Variants in CAPZB observed in about 807,000 individuals in gnomAD.
CAPZB encodes the protein capping actin protein of muscle Z-line subunit beta.
In CAPZB, 2 loss-of-function variants were observed where a neutral mutation model predicts 38.1. That is an observed-to-expected ratio of 0.05 (90% CI 0.02 to 0.17). CAPZB has a LOEUF of 0.17. CAPZB is among the 10% of genes least tolerant of loss of function. CAPZB has a pLI of 1.00. For missense variants in CAPZB, 161 were observed against 334.2 expected (o/e 0.48, Z 4.04); for synonymous variants, 107 against 127.4 (o/e 0.84, Z 1.08).
chr1:19,395,915 C>T (rs1570119588), intron 2 of CAPZB, among the ~76,000 whole-genome samples: 2 of 152,216 alleles, frequency 1.3e-5, no homozygotes, highest in Non-Finnish European at 2.9e-5. Flanking sequence ...TACAGCCAGG[C>T]GATGGCCTCA....
chr1:19,455,323 T>C (rs895624788), intron 1 of CAPZB, among the ~76,000 whole-genome samples: 5 of 152,232 alleles, frequency 3.3e-5, no homozygotes, highest in African/African-American at 4.8e-5. Context: ...TGGGATCCCA[T>C]AGAGAGAGAG....
intron 2 of CAPZB, among the ~76,000 whole-genome samples, chr1:19,394,029 C>T (rs1261320665): frequency 6.6e-6 from 1 of 152,258 alleles, no homozygotes; most frequent in East Asian, 1.9e-4. Context: ...GAGACGAAGT[C>T]TCGCTCTGTT....
At chr1:19,406,145 T>A (rs1289937452) in intron 2 of CAPZB, among the ~76,000 whole-genome samples, 1 of 152,166 alleles carries the variant, frequency 6.6e-6, no homozygotes, top group Non-Finnish European at 1.5e-5. Context: ...ACCGTCTGAT[T>A]AGTGAATAAG....
chr1:19,381,556 G>C (rs751564618), intron 3 of CAPZB, among the ~76,000 whole-genome samples: 2 of 152,134 alleles, frequency 1.3e-5, no homozygotes, highest in Non-Finnish European at 2.9e-5. Flanking sequence ...TTTCATGCTG[G>C]TCACGGGCAT....
chr1:19,410,415 C>A (rs1165152430), intron 2 of CAPZB, among the ~76,000 whole-genome samples: 1 of 152,204 alleles, frequency 6.6e-6, no homozygotes, highest in African/African-American at 2.4e-5. Context: ...TGATATACTA[C>A]TTGTGTCTGG....
At chr1:19,408,131 C>T (rs2094341160) in intron 2 of CAPZB, among the ~76,000 whole-genome samples, 1 of 152,230 alleles carries the variant, frequency 6.6e-6, no homozygotes, top group South Asian at 2.1e-4. Context: ...TTATAAAATG[C>T]CCCACTGTGG....
At chr1:19,444,377 G>C (rs1278340917) in intron 1 of CAPZB, among the ~76,000 whole-genome samples, 2 of 152,132 alleles carry the variant, frequency 1.3e-5, no homozygotes, top group Admixed American at 6.5e-5. Flanking sequence ...ACTTGGGCTT[G>C]TATCTTATTA....
intron 6 of CAPZB, among the ~76,000 whole-genome samples, chr1:19,351,150 T>A (rs1240225912): frequency 1.3e-5 from 2 of 151,898 alleles, no homozygotes; most frequent in Non-Finnish European, 2.9e-5. Context: ...ACCCAGCTGA[T>A]TTTTGTATTT....
At chr1:19,428,295 C>A (rs192287922) in intron 1 of CAPZB, among the ~76,000 whole-genome samples, 9 of 152,082 alleles carry the variant, frequency 5.9e-5, no homozygotes, top group Admixed American at 5.9e-4. Flanking sequence ...CCCAGCTACA[C>A]GGGAGGCTGA....
At chr1:19,395,807 C>G (rs2094264151) in intron 2 of CAPZB, among the ~76,000 whole-genome samples, 1 of 152,244 alleles carries the variant, frequency 6.6e-6, no homozygotes, top group African/African-American at 2.4e-5. Context: ...GCACAACATA[C>G]AAAACCACCT....
chr1:19,442,937 C>A (rs1277227573), intron 1 of CAPZB, among the ~76,000 whole-genome samples: 2 of 152,134 alleles, frequency 1.3e-5, no homozygotes, highest in African/African-American at 4.8e-5. Context: ...CTGAAGGAGG[C>A]CTTCGCTACT....
chr1:19,346,889 T>A (rs374900787), intron 6 of CAPZB, among the ~76,000 whole-genome samples: 20 of 144,806 alleles, frequency 1.4e-4, no homozygotes, highest in African/African-American at 4.6e-4. Flanking sequence ...AATGGTGCAA[T>A]CTTGGCTCAC....
At chr1:19,364,973 A>G (rs1428574876) in intron 4 of CAPZB, among the ~76,000 whole-genome samples, 1 of 151,934 alleles carries the variant, frequency 6.6e-6, no homozygotes, top group Non-Finnish European at 1.5e-5. Flanking sequence ...CAGCCTCCTG[A>G]GTAGCTGGGA....
At chr1:19,406,043 G>A (rs559820525) in intron 2 of CAPZB, among the ~76,000 whole-genome samples, 11 of 152,286 alleles carry the variant, frequency 7.2e-5, no homozygotes, top group South Asian at 2.1e-4. Flanking sequence ...GGCTCTGTGC[G>A]TGCTATGACT....
At chr1:19,363,884 A>G (rs748434410) in intron 4 of CAPZB, among the ~76,000 whole-genome samples, 1 of 152,192 alleles carries the variant, frequency 6.6e-6, no homozygotes, top group Non-Finnish European at 1.5e-5. Flanking sequence ...TAATGAGTAC[A>G]TGCCACATGC....
At chr1:19,464,843 C>T (rs140984850) in intron 1 of CAPZB, among the ~76,000 whole-genome samples, 87 of 152,114 alleles carry the variant, frequency 5.7e-4, no homozygotes, top group African/African-American at 1.7e-3. Flanking sequence ...GGCAAAACCG[C>T]GGTGACAAAG....
Position 19,357,384 on chromosome 1 carries a change from C to G in CAPZB, c.471+38G>C. On this transcript the variant is annotated intron_variant, in intron 5 of 8. Transcript: ENST00000264202. The surrounding 1 kb of genome is among the most constrained non-coding windows in gnomAD (Gnocchi z 4.3). The stretch of plus-strand genomic sequence containing the variant: ...GGCACTGGTTGGTGTGCCATCTGTA[C>G]TTAGTGGCCCGGGCCACCAGCTGCT... 1 of 1,608,056 alleles carries G rather than the reference C, an allele frequency of 6.2e-7. No individual in the cohort carries two copies. Among genetic ancestry groups the G allele is most frequent in the Non-Finnish European group, 8.5e-7 (1 of 1,176,004 alleles).
chr1:19,366,307 T>TATATATATATATATAA (rs1243032633), intron 4 of CAPZB, among the ~76,000 whole-genome samples: 8 of 74,166 alleles, frequency 1.1e-4, no homozygotes, highest in African/African-American at 4.1e-4. Context: ...TATATATATA[T>TATATATATATATATAA]ATAAATAAAA....
chr1:19,371,984 G>A lies in CAPZB; in HGVS notation c.329+6556C>T, dbSNP rs952368312. The stretch of plus-strand genomic sequence containing the variant: ...TGGGGAGCCCAGGCCGGGGGGTGGG[G>A]CCCATCCACCCAGCTCCTGGCTGCT... On this transcript the variant is annotated intron_variant, in intron 4 of 8. Transcript: ENST00000264202. 1.1e-4 allele frequency among the ~76,000 whole-genome samples: 17 copies of A among 152,354 alleles called. 1 individual carries two copies. The East Asian group carries it at 2.1e-3, about 19-fold the overall frequency.
Sources: gnomAD v4.1 joint callset for allele counts (sites outside exome capture counted in the v4.1 genomes callset) on GRCh38, gnomAD v4.1.1 for gene constraint, Gnocchi (gnomAD v3.1) non-coding constraint, MANE v1.5 for transcripts, NCBI Gene and HGNC (gene_info 2026-07-23, HGNC 2026-07-21) for gene names.